The following HDAC8 variants were observed in gnomAD, a reference collection of about 807,000 sequenced individuals.
HDAC8 encodes the protein histone deacetylase-like 1.
Under a neutral mutation model 32.2 loss-of-function variants are expected in HDAC8, and 1 was observed. The ratio of observed to expected loss-of-function variants is 0.03; its 90% confidence interval spans 0.01 to 0.15. The LOEUF is 0.15. HDAC8 is among the 10% of genes least tolerant of loss of function. The probability of loss-of-function intolerance (pLI) is 1.00; values close to 1 mark genes in which losing one functional copy is unlikely to be tolerated. For synonymous variants in HDAC8, 108 were observed against 113.9 expected, an observed-to-expected ratio of 0.95 and a Z score of 0.33; for missense variants, 117 against 300.0, an observed-to-expected ratio of 0.39 and a Z score of 4.51.
intron 4 of HDAC8, among the ~76,000 whole-genome samples, chrX:72,549,853 AT>A (rs1274223539): frequency 8.9e-6 from 1 of 111,860 alleles, no homozygotes; most frequent in African/African-American, 3.2e-5. Flanking sequence ...CTTCTTGGAA[AT>A]ATTATCAAAA....
rs577553634 is a variant in HDAC8 at position 72,404,194 on chromosome X, T to A, written c.1006-52356A>T. Among the ~76,000 whole-genome samples the A allele has an allele frequency of 2.5e-4, 28 of 111,662 alleles. 1 individual carries two copies. The South Asian group carries it at 3.4e-3, about 13-fold the overall frequency. On this transcript the variant is annotated intron_variant, in intron 9 of 10. Coordinates refer to ENST00000373573, the MANE Select transcript of HDAC8 (RefSeq NM_018486.3). Reference sequence around the variant, plus strand: ...GTTTTTGCTGCTTTATTGACTTTTTTAAATTAATTAAGGTTTATTTTTCCT... The same window carrying A: ...GTTTTTGCTGCTTTATTGACTTTTTAAAATTAATTAAGGTTTATTTTTCCT...
At position 72,495,169 on chromosome X, in the gene HDAC8, C is replaced by A. The variant is rs782265220; in HGVS notation, c.537G>T (p.Leu179=). 10 of 1,197,399 alleles carry A rather than the reference C, an allele frequency of 8.4e-6. No individual in the cohort carries two copies. The highest frequency in any genetic ancestry group is 6.8e-6 in the Non-Finnish European group (6 of 883,232). ...CAAAGGGCTTACCATCTCCATGGTG[C>A]AGATCCAAATCCACGTAGAGAATAC... is the stretch of plus-strand genomic sequence containing the variant. ...FERILYVDLD[L]HHGDGVEDAF... The change falls in exon 5 of 11, where the codon CTG becomes CTT. Residue 179 remains leucine, a synonymous_variant. Coordinates refer to ENST00000373573, the MANE Select transcript of HDAC8 (RefSeq NM_018486.3).
intron 9 of HDAC8, among the ~76,000 whole-genome samples, chrX:72,452,279 A>G (rs554035983): frequency 8.9e-6 from 1 of 111,997 alleles, no homozygotes; most frequent in Middle Eastern, 4.6e-3. Flanking sequence ...AACATGGCGA[A>G]ACCCCGTCTC....
chrX:72,457,651 G>A (rs955500752), intron 9 of HDAC8, among the ~76,000 whole-genome samples: 5 of 111,863 alleles, frequency 4.5e-5, no homozygotes, highest in African/African-American at 1.6e-4. Context: ...TAATATTTGT[G>A]TAAGATGTGT....
In HDAC8 at chrX:72,356,579, CT is replaced by C. The variant is rs1182704223; in HGVS notation, c.1006-4742del. On this transcript the variant is annotated intron_variant, in intron 9 of 10. Coordinates refer to ENST00000373573, the MANE Select transcript of HDAC8 (RefSeq NM_018486.3). ...AGAAGCTTGTGGGAGATACTGCAAG[CT>C]TTTTTTTTTTTGGGGATGGAGTCTC... 4.1e-3 allele frequency among the ~76,000 whole-genome samples: 416 copies of C among 102,680 alleles called. 1 individual carries two copies. Among genetic ancestry groups the C allele is most frequent in the Non-Finnish European group, 5.8e-3 (288 of 49,602 alleles). The allele number at this position is 102,680 out of a possible 115,157, so 89.2% of individuals were successfully genotyped here. A position where few individuals can be genotyped will look rare whatever the true frequency, so the allele number is the denominator to read the frequency against.
At chrX:72,540,608 T>G (rs921674022) in intron 4 of HDAC8, among the ~76,000 whole-genome samples, 126 of 110,736 alleles carry the variant, frequency 1.1e-3, no homozygotes, top group Non-Finnish European at 1.6e-3. Flanking sequence ...TCCTGACTGC[T>G]TGACTTTGTG....
At chrX:72,541,030 A>G (rs1556042341) in intron 4 of HDAC8, among the ~76,000 whole-genome samples, 1 of 111,613 alleles carries the variant, frequency 9.0e-6, no homozygotes, top group African/African-American at 3.3e-5. Context: ...TTCCCCATGA[A>G]GCTTATGCTC....
chrX:72,398,884 G>C (rs185638493), intron 9 of HDAC8, among the ~76,000 whole-genome samples: 2 of 108,403 alleles, frequency 1.8e-5, no homozygotes, highest in African/African-American at 6.7e-5. Context: ...CCCAAGACTA[G>C]AGAAATTATC....
At chrX:72,568,928 C>G (rs1556143060) in intron 2 of HDAC8, 44 bp from the exon 3 acceptor site, 1 of 1,147,689 alleles carries the variant, frequency 8.7e-7, no homozygotes, top group Non-Finnish European at 1.2e-6. Context: ...TGAGTCAGAC[C>G]CAGCGTATGC....
chrX:72,534,465 T>C (rs782166160), intron 4 of HDAC8, among the ~76,000 whole-genome samples: 1 of 109,302 alleles, frequency 9.1e-6, no homozygotes. Context: ...CGCATCACCA[T>C]GCCCGGCTAA....
In HDAC8 at chrX:72,448,341, C is replaced by T. The variant is rs180852976; in HGVS notation, c.1005+13663G>A. Among the ~76,000 whole-genome samples the T allele has an allele frequency of 1.3e-3, 140 of 111,829 alleles. 2 individuals carry two copies. Among genetic ancestry groups the T allele is most frequent in the African/African-American group, 4.2e-3 (129 of 30,819 alleles). On this transcript the variant is annotated intron_variant, in intron 9 of 10. Coordinates refer to ENST00000373573, the MANE Select transcript of HDAC8 (RefSeq NM_018486.3). ...CAAAAACAAGCAATGGGGAAAGATT[C>T]CCTATTTAATAAATGGTGTTGGGAA... is the stretch of plus-strand genomic sequence containing the variant.
intron 4 of HDAC8, among the ~76,000 whole-genome samples, chrX:72,525,813 CAAAAAAA>C (rs57801277): frequency 1.9e-4 from 4 of 21,555 alleles, no homozygotes; most frequent in East Asian, 2.2e-3. Context: ...GACTCTGTCT[CAAAAAAA>C]AAAAAAAAAA....
intron 4 of HDAC8, among the ~76,000 whole-genome samples, chrX:72,512,399 T>C (rs2049617297): frequency 1.8e-5 from 2 of 111,489 alleles, no homozygotes; most frequent in Non-Finnish European, 3.8e-5. Context: ...CACAACTGAG[T>C]TGAATCAAGC....
chrX:72,554,272 AC>A (rs1365198414), intron 4 of HDAC8, among the ~76,000 whole-genome samples: 1 of 110,867 alleles, frequency 9.0e-6, no homozygotes, highest in Non-Finnish European at 1.9e-5. Flanking sequence ...CACATCATGA[AC>A]TTTTGCTCCT....
chrX:72,348,728 C>T (rs1009837404), intron 10 of HDAC8, among the ~76,000 whole-genome samples: 3 of 111,830 alleles, frequency 2.7e-5, no homozygotes, highest in Non-Finnish European at 5.6e-5. Flanking sequence ...TCCTCCTCAC[C>T]CACTCTTAGC....
intron 4 of HDAC8, among the ~76,000 whole-genome samples, chrX:72,521,097 A>G (rs2049966879): frequency 1.8e-5 from 2 of 111,881 alleles, no homozygotes; most frequent in South Asian, 7.5e-4. Context: ...CTGTGGGGTG[A>G]TAATTTGAAA....
chrX:72,387,284 C>T (rs2045464298), intron 9 of HDAC8, among the ~76,000 whole-genome samples: 1 of 111,832 alleles, frequency 8.9e-6, no homozygotes, highest in South Asian at 3.7e-4. Context: ...AATCCTTTGG[C>T]TTCCTCCAGT....
chrX:72,462,181 A>G, intron 8 of HDAC8, 83 bp from the exon 9 acceptor site: 2 of 753,665 alleles, frequency 2.7e-6, no homozygotes, highest in Non-Finnish European at 2.0e-6. Flanking sequence ...AAAGAGAGAA[A>G]AATGTTTTAA....
intron 9 of HDAC8, among the ~76,000 whole-genome samples, chrX:72,373,455 A>G (rs1218543960): frequency 1.8e-5 from 2 of 112,424 alleles, no homozygotes; most frequent in Non-Finnish European, 3.8e-5. Context: ...ATTTCATACA[A>G]ATGGAATAAT....
Sources: allele counts gnomAD v4.1 joint callset (sites outside exome capture counted in the v4.1 genomes callset), GRCh38; gene constraint gnomAD v4.1.1; transcripts MANE v1.5; gene names NCBI Gene and HGNC (gene_info 2026-07-23, HGNC 2026-07-21).